VSIG8: variants seen among roughly 807,000 people sequenced by gnomAD.
VSIG8 encodes V-set and immunoglobulin domain containing 8.
A neutral mutation model predicts 42.6 loss-of-function variants in VSIG8; 32 were observed. The observed-to-expected ratio is 0.75, with a 90% CI of 0.57 to 1.01. The LOEUF (loss-of-function observed/expected upper bound fraction) is 1.01, where lower values mean the gene tolerates loss of function less well. Among genes scored for constraint, VSIG8 ranks in the 50% least tolerant of loss-of-function variants. The probability of loss-of-function intolerance (pLI) is 0.00; values close to 1 mark genes in which losing one functional copy is unlikely to be tolerated. For missense variants in VSIG8, 529 were observed against 558.0 expected, an observed-to-expected ratio of 0.95 and a Z score of 0.52; for synonymous variants, 290 against 243.8, an observed-to-expected ratio of 1.19 and a Z score of -1.77.
intron 4 of VSIG8, among the ~76,000 whole-genome samples, chr1:159,857,489 C>A (rs933805330): frequency 6.6e-6 from 1 of 150,882 alleles, no homozygotes; most frequent in African/African-American, 2.4e-5. Context: ...GCAGGAGAAT[C>A]GCTTGAACCC....
At position 159,855,768 on chromosome 1, in the gene VSIG8, G is replaced by A. The variant is rs1382259461; in HGVS notation, c.971+115C>T. 3.6e-6 allele frequency: 5 copies of A among 1,408,124 alleles called. No homozygotes were observed. The African/African-American group carries it at 6.0e-5, about 17-fold the overall frequency. 87.2% of individuals were successfully genotyped at this position (1,408,124 alleles called of 1,614,324 possible). A position where few individuals can be genotyped will look rare whatever the true frequency, so the allele number is the denominator to read the frequency against. On this transcript the variant is annotated intron_variant, in intron 6 of 6. Coordinates refer to ENST00000368100, the MANE Select transcript of VSIG8 (RefSeq NM_001013661.1). ...TGCCGCAGTCCCAGCACTCCGTGGC[G>A]ATGGCGGGCAGGGTTGGGGTGGGGG...
chr1:159,857,932 GCCCTCTGTC>G lies in VSIG8; in HGVS notation c.456_464del (p.Trp152_Gly155delinsCys). The G allele has an allele frequency of 1.2e-6, 2 of 1,614,162 alleles. No individual in the cohort carries two copies. Among genetic ancestry groups the G allele is most frequent in the Non-Finnish European group, 1.7e-6 (2 of 1,180,014 alleles). On this transcript the variant is annotated inframe_deletion, in exon 4 of 7. Coordinates refer to ENST00000368100, the MANE Select transcript of VSIG8 (RefSeq NM_001013661.1). ...CCACATCGTTGCCATATGTCATGTG[GCCCTCTGTC>G]CAGCACATGGGCACTGCAGGTCGTG... is the stretch of plus-strand genomic sequence containing the variant.
At position 159,855,927 on chromosome 1, in the gene VSIG8, G is replaced by A. The variant is rs543581704; in HGVS notation, c.927C>T (p.Gly309=). 3.8e-6 allele frequency: 6 copies of A among 1,564,166 alleles called. No homozygotes were observed. In the East Asian group the frequency reaches 7.1e-5, roughly 19 times the overall value. ...ARGAFGYGNG[G]GVGGGACGDL... ...CGCCGCAGGCCCCTCCGCCGACCCCGCCGCCGTTGCCGTAGCCGAAGGCAC... is the reference window on the plus strand; with the variant it reads ...CGCCGCAGGCCCCTCCGCCGACCCCACCGCCGTTGCCGTAGCCGAAGGCAC... Residue 309 remains glycine, a synonymous_variant, in exon 6 of 7, where the codon GGC becomes GGT. Transcript: ENST00000368100.
At position 159,858,798 on chromosome 1, in the gene VSIG8, G is replaced by A. The variant is rs1309744898; in HGVS notation, c.164C>T (p.Pro55Leu). ...PYVLDPEDYGPNGLDIEWMQV... is the reference protein window; with the variant it reads ...PYVLDPEDYGLNGLDIEWMQV... ...CATCCACTCGATGTCCAGCCCATTG[G>A]GACCATAGTCCTCAGGGTCCAGGAC... Residue 55 changes from proline to leucine, a missense_variant, in exon 2 of 7, where the codon CCC (proline) becomes CTC (leucine). Physicochemically the swap from Pro to Leu is moderately conservative, Grantham distance 98. Transcript: ENST00000368100. The A allele has an allele frequency of 6.2e-7, 1 of 1,613,954 alleles. No individual in the cohort carries two copies. Among genetic ancestry groups the A allele is most frequent in the African/African-American group, 1.3e-5 (1 of 74,960 alleles).
intron 3 of VSIG8, 42 bp downstream of exon 3, chr1:159,858,048 C>G: frequency 1.2e-6 from 2 of 1,613,286 alleles, no homozygotes; most frequent in Non-Finnish European, 1.7e-6. Context: ...GCCCTTGGCT[C>G]TTAAGCCAGG....
At position 159,854,438 on chromosome 1, in the gene VSIG8, G is replaced by A. The variant is rs1648723389; in HGVS notation, c.*315C>T. 2.9e-6 allele frequency: 1 copy of A among 344,836 alleles called. No homozygotes were observed. The highest frequency in any genetic ancestry group is 7.5e-5 in the South Asian group (1 of 13,354). The allele number at this position is 344,836 out of a possible 1,614,324, so 21.4% of individuals were successfully genotyped here. A position where few individuals can be genotyped will look rare whatever the true frequency, so the allele number is the denominator to read the frequency against. Reference sequence around the variant, plus strand: ...GCCCCCGGGGCCCTCTGCTTAGGCTGGGGACACCAGGCCTCCGGCCTCAGC... The same window carrying A: ...GCCCCCGGGGCCCTCTGCTTAGGCTAGGGACACCAGGCCTCCGGCCTCAGC... On this transcript the variant is annotated 3_prime_UTR_variant, in exon 7 of 7. Transcript: ENST00000368100.
intron 6 of VSIG8, chr1:159,855,563 G>C (rs1413980082): frequency 2.0e-6 from 2 of 985,154 alleles, no homozygotes; most frequent in Non-Finnish European, 2.4e-6. Context: ...TAATGTCAGA[G>C]TTCTTACCGG....
chr1:159,854,986 C>A lies in VSIG8; in HGVS notation c.1012G>T (p.Gly338Cys). 1.9e-6 allele frequency: 3 copies of A among 1,557,714 alleles called. No homozygotes were observed. Among genetic ancestry groups the A allele is most frequent in the East Asian group, 2.4e-5 (1 of 41,074 alleles). ...CCCAGGAGGTGGGTGACGCGGCTGCCGCGCCCGCTGGCCTTGCACCCGGGC... is the reference window on the plus strand; with the variant it reads ...CCCAGGAGGTGGGTGACGCGGCTGCAGCGCCCGCTGGCCTTGCACCCGGGC... ...VAPGCKASGR[G>C]SRVTHLLGYP... The change falls in exon 7 of 7, where the codon GGC becomes TGC. Residue 338 changes from glycine (G) to cysteine (C), a missense_variant. Coordinates refer to ENST00000368100, the MANE Select transcript of VSIG8 (RefSeq NM_001013661.1).
chr1:159,855,409 C>T (rs766573659), intron 6 of VSIG8: 89 of 1,423,572 alleles, frequency 6.3e-5, no homozygotes, highest in Non-Finnish European at 8.0e-5. Flanking sequence ...TTCTCACCTC[C>T]TGCCCCTCAG....
chr1:159,855,448 G>A (rs1648784972), intron 6 of VSIG8: 3 of 1,411,682 alleles, frequency 2.1e-6, no homozygotes, highest in African/African-American at 2.9e-5. Context: ...CCATCCCCGA[G>A]GCATTGCAAT....
At chr1:159,856,374 C>A (rs1421103713) in intron 5 of VSIG8, 150 bp downstream of exon 5, 9 of 1,365,006 alleles carry the variant, frequency 6.6e-6, no homozygotes, top group East Asian at 2.4e-5. Flanking sequence ...ACCCACTGAT[C>A]TTGGCCCACT....
At chr1:159,859,347 G>C (rs1238566936) in intron 1 of VSIG8, among the ~76,000 whole-genome samples, 3 of 152,188 alleles carry the variant, frequency 2.0e-5, no homozygotes, top group Non-Finnish European at 4.4e-5. Context: ...GTTGTTAAAT[G>C]CTCTGATAGA....
intron 1 of VSIG8, 118 bp from the exon 2 acceptor site, chr1:159,859,030 T>A: frequency 9.0e-7 from 1 of 1,112,188 alleles, no homozygotes; most frequent in Non-Finnish European, 1.2e-6. Context: ...CAGCAGTGCT[T>A]TCATAAAAAG....
Position 159,854,433 on chromosome 1 carries a change from A to T in VSIG8, c.*320T>A. 9.9e-5 allele frequency: 26 copies of T among 263,186 alleles called. No individual in the cohort carries two copies. The highest frequency in any genetic ancestry group is 1.3e-3 in the Middle Eastern group (1 of 798). The allele number at this position is 263,186 out of a possible 1,614,324, so 16.3% of individuals were successfully genotyped here. A position where few individuals can be genotyped will look rare whatever the true frequency, so the allele number is the denominator to read the frequency against. ...ACCCGGCCCCCGGGGCCCTCTGCTT[A>T]GGCTGGGGACACCAGGCCTCCGGCC... On this transcript the variant is annotated 3_prime_UTR_variant, in exon 7 of 7. Coordinates refer to ENST00000368100, the MANE Select transcript of VSIG8 (RefSeq NM_001013661.1).
chr1:159,858,231 C>A lies in VSIG8; in HGVS notation c.289G>T (p.Val97Phe). 4 of 1,614,184 alleles carry A rather than the reference C, an allele frequency of 2.5e-6. No individual in the cohort carries two copies. The highest frequency in any genetic ancestry group is 3.4e-6 in the Non-Finnish European group (4 of 1,180,026). The change falls in exon 3 of 7, where the codon GTC becomes TTC. Residue 97 changes from valine (V) to phenylalanine (F), a missense_variant. Val to Phe is a conservative substitution (Grantham distance 50). Transcript: ENST00000368100. ...HGSLPHLQQR[V>F]RFAASDPSQY... ...CTTGGGTCTGAGGCTGCAAAGCGGA[C>A]CCTCTGCTGCAGATGGGGAAGGCTG... is the stretch of plus-strand genomic sequence containing the variant.
At chr1:159,855,058 G>A in intron 6 of VSIG8, 32 bp from the exon 7 acceptor site, 1 of 1,568,384 alleles carries the variant, frequency 6.4e-7, no homozygotes, top group Non-Finnish European at 8.6e-7. Flanking sequence ...CGGGTGAGCG[G>A]GCTGCTCCGC....
rs374015971 is a variant in VSIG8, at chr1:159,859,432, G to A, written c.50-520C>T. On this transcript the variant is annotated intron_variant, in intron 1 of 6. Coordinates refer to ENST00000368100, the MANE Select transcript of VSIG8 (RefSeq NM_001013661.1). ...TGAAGTCCTCCTGTCCAGAGGCAGC[G>A]GGGTGGTTACAATGGCTTCTGGGAC... Among the ~76,000 whole-genome samples the A allele has an allele frequency of 3.9e-5, 6 of 152,284 alleles. No homozygotes were observed. The South Asian group carries it at 1.2e-3, about 32-fold the overall frequency.
rs960025362 is a variant in VSIG8, at chr1:159,858,905, C to T, written c.57G>A (p.Leu19=). 2.2e-5 allele frequency: 36 copies of T among 1,613,014 alleles called. No individual in the cohort carries two copies. The highest frequency in any genetic ancestry group is 2.8e-5 in the Non-Finnish European group (33 of 1,179,642). The change falls in exon 2 of 7, where the codon CTG becomes CTA. Residue 19 remains leucine (L), a synonymous_variant. Transcript: ENST00000368100. ...LLLVCLSPAL[L]SAVRINGDGQ... is the part of the protein sequence containing the mutation. ...CATCCCCGTTGATCCGCACAGCAGA[C>T]AGCAGTGCTAGGGGGAGGGCAGAGA... is the stretch of plus-strand genomic sequence containing the variant.
Position 159,856,520 on chromosome 1 carries a change from C to A in VSIG8, c.772+4G>T. Reference sequence around the variant, plus strand: ...CACCCAGCCCTCAAGACTGCTGCACCTACCTGAGACCTTCACCTCCACCAC... The same window carrying A: ...CACCCAGCCCTCAAGACTGCTGCACATACCTGAGACCTTCACCTCCACCAC... On this transcript the variant is annotated splice_donor_region_variant and intron_variant, in intron 5 of 6. Coordinates refer to ENST00000368100, the MANE Select transcript of VSIG8 (RefSeq NM_001013661.1). 2 of 1,613,934 alleles carry A rather than the reference C, an allele frequency of 1.2e-6. No homozygotes were observed. Among genetic ancestry groups the A allele is most frequent in the South Asian group, 2.2e-5 (2 of 91,048 alleles).
Sources: allele counts gnomAD v4.1 joint callset (sites outside exome capture counted in the v4.1 genomes callset), GRCh38; gene constraint gnomAD v4.1.1; transcripts MANE v1.5; gene names NCBI Gene and HGNC (gene_info 2026-07-23, HGNC 2026-07-21).